The following DNAJC3 variants were observed in gnomAD, a reference collection of about 807,000 sequenced individuals.
The protein encoded by DNAJC3 is dnaJ homolog subfamily C member 3.
In DNAJC3, 38 loss-of-function variants were observed where a neutral mutation model predicts 68.6. The observed-to-expected ratio is 0.55, with a 90% CI of 0.43 to 0.73. DNAJC3 has a LOEUF of 0.73. Among genes scored for constraint, DNAJC3 ranks in the 30% least tolerant of loss-of-function variants. DNAJC3 has a pLI of 0.00. For missense variants in DNAJC3, 526 were observed against 591.9 expected (o/e 0.89, Z 1.16); for synonymous variants, 203 against 204.0 (o/e 1.00, Z 0.04).
At chr13:95,736,607 G>T (rs1384417015) in intron 4 of DNAJC3, among the ~76,000 whole-genome samples, 1 of 151,798 alleles carries the variant, frequency 6.6e-6, no homozygotes, top group Non-Finnish European at 1.5e-5. Flanking sequence ...GTTCACTCAT[G>T]ATTTGGCTCT....
intron 1 of DNAJC3, among the ~76,000 whole-genome samples, chr13:95,702,248 C>T (rs757039763): frequency 2.0e-5 from 3 of 152,144 alleles, no homozygotes; most frequent in Non-Finnish European, 4.4e-5. Flanking sequence ...TGCCTCTTCC[C>T]AGTCTGTCTT....
At position 95,723,255 on chromosome 13, in the gene DNAJC3, T is replaced by C; in HGVS notation, c.207T>C (p.Asp69=). ...TTTAATTTTCAGATGGTGACCCTGA[T>C]AACTATATTGCTTATTATCGGAGGG... ...QFHAAVDGDP[D]NYIAYYRRAT... is the part of the protein sequence containing the mutation. Residue 69 remains aspartate, a synonymous_variant, in exon 3 of 12, where the codon GAT becomes GAC. Coordinates refer to ENST00000602402, the MANE Select transcript of DNAJC3 (RefSeq NM_006260.5). 1 of 1,599,226 alleles carries C rather than the reference T, an allele frequency of 6.3e-7. No individual in the cohort carries two copies. The highest frequency in any genetic ancestry group is 1.7e-5 in the Admixed American group (1 of 58,970).
At chr13:95,785,143 T>C (rs1883562120) in intron 9 of DNAJC3, among the ~76,000 whole-genome samples, 1 of 152,142 alleles carries the variant, frequency 6.6e-6, no homozygotes, top group African/African-American at 2.4e-5. Flanking sequence ...CTACAAATTT[T>C]TTTTTTCTAG....
At chr13:95,696,407 G>A (rs2139612236) in intron 1 of DNAJC3, among the ~76,000 whole-genome samples, 1 of 152,218 alleles carries the variant, frequency 6.6e-6, no homozygotes, top group East Asian at 1.9e-4. Flanking sequence ...AACTAAGATT[G>A]AAACTAAGAT....
chr13:95,763,766 C>G lies in DNAJC3; in HGVS notation c.954+18C>G. The G allele has an allele frequency of 2.5e-6, 4 of 1,613,722 alleles. No homozygotes were observed. Among genetic ancestry groups the G allele is most frequent in the Non-Finnish European group, 3.4e-6 (4 of 1,179,730 alleles). ...TTTCTAAGGTAACAGTTGACTTGTT[C>G]CCAGAAATGTGAAAACTCAACATGT... On this transcript the variant is annotated intron_variant, in intron 8 of 11. Transcript: ENST00000602402.
chr13:95,689,228 C>CTT (rs1207490417), intron 1 of DNAJC3, among the ~76,000 whole-genome samples: 1 of 125,338 alleles, frequency 8.0e-6, no homozygotes, highest in African/African-American at 2.9e-5. Flanking sequence ...CTGTCCTGGG[C>CTT]TTTTTTTTTT....
intron 4 of DNAJC3, chr13:95,744,712 A>G (rs1882251694): frequency 6.6e-6 from 1 of 152,246 alleles, no homozygotes; most frequent in South Asian, 2.1e-4. Context: ...ATATTAAAAA[A>G]TTGATTAAAT....
At chr13:95,678,603 C>T (rs1879831461) in intron 1 of DNAJC3, among the ~76,000 whole-genome samples, 2 of 152,170 alleles carry the variant, frequency 1.3e-5, no homozygotes, top group Admixed American at 1.3e-4. Context: ...TTTGCATTTT[C>T]AAAAGCTTCA....
At chr13:95,739,113 G>C (rs1882036385) in intron 4 of DNAJC3, among the ~76,000 whole-genome samples, 1 of 152,056 alleles carries the variant, frequency 6.6e-6, no homozygotes, top group African/African-American at 2.4e-5. Context: ...GCAATTCTGG[G>C]TTGAAAATTC....
At chr13:95,728,896 C>T (rs1881613061) in intron 4 of DNAJC3, among the ~76,000 whole-genome samples, 1 of 152,098 alleles carries the variant, frequency 6.6e-6, no homozygotes, top group African/African-American at 2.4e-5. Context: ...ACCTCTTATT[C>T]TTCTTTGCTG....
At chr13:95,704,769 G>A (rs1442968593) in intron 1 of DNAJC3, among the ~76,000 whole-genome samples, 5 of 151,838 alleles carry the variant, frequency 3.3e-5, no homozygotes, top group Admixed American at 3.3e-4. Flanking sequence ...TTGGTCTCCA[G>A]CATTGGCAGA....
rs376899129 is a variant in DNAJC3 at position 95,707,483 on chromosome 13, A to G, written c.83-1744A>G. Among the ~76,000 whole-genome samples, 43 of 152,264 alleles carry G rather than the reference A, an allele frequency of 2.8e-4. 1 individual carries two copies. Among genetic ancestry groups the G allele is most frequent in the African/African-American group, 8.4e-4 (35 of 41,558 alleles). On this transcript the variant is annotated intron_variant, in intron 1 of 11. Transcript: ENST00000602402. Reference sequence around the variant, plus strand: ...GATAGCTTAGTTAATTGTGACTCCAATACCTACTGTGGATTACTAGCATTT... The same window carrying G: ...GATAGCTTAGTTAATTGTGACTCCAGTACCTACTGTGGATTACTAGCATTT...
At chr13:95,765,327 T>G (rs1882960911) in intron 9 of DNAJC3, among the ~76,000 whole-genome samples, 1 of 151,704 alleles carries the variant, frequency 6.6e-6, no homozygotes, top group Non-Finnish European at 1.5e-5. Flanking sequence ...TTATCAAAGA[T>G]ACTTTTGTCA....
At chr13:95,747,814 G>A (rs747846546) in intron 4 of DNAJC3, among the ~76,000 whole-genome samples, 9 of 152,062 alleles carry the variant, frequency 5.9e-5, no homozygotes, top group Non-Finnish European at 1.3e-4. Context: ...GCTCTAGAGA[G>A]ATTCATTGGT....
At chr13:95,738,975 C>T (rs1455876089) in intron 4 of DNAJC3, among the ~76,000 whole-genome samples, 3 of 151,978 alleles carry the variant, frequency 2.0e-5, no homozygotes, top group African/African-American at 2.4e-5. Flanking sequence ...TTGTTCCTTT[C>T]CATGTTTAGT....
In DNAJC3 at chr13:95,763,407, A is replaced by G. The variant is rs139549413; in HGVS notation, c.849-236A>G. Among the ~76,000 whole-genome samples, 14 of 152,340 alleles carry G rather than the reference A, an allele frequency of 9.2e-5. No individual in the cohort carries two copies. In the East Asian group the frequency reaches 2.7e-3, roughly 29 times the overall value. On this transcript the variant is annotated intron_variant, in intron 7 of 11. Coordinates refer to ENST00000602402, the MANE Select transcript of DNAJC3 (RefSeq NM_006260.5). ...TTGATTGGTACTTATACTCACAGGTATGCTTTGTTCTGTCCATCTGCATCT... is the reference window on the plus strand; with the variant it reads ...TTGATTGGTACTTATACTCACAGGTGTGCTTTGTTCTGTCCATCTGCATCT...
intron 4 of DNAJC3, among the ~76,000 whole-genome samples, chr13:95,740,510 G>T (rs530144124): frequency 1.3e-5 from 2 of 151,324 alleles, no homozygotes; most frequent in African/African-American, 4.9e-5. Flanking sequence ...ATATAATCTC[G>T]TGGTGCGCCG....
At chr13:95,770,067 T>C (rs1288869045) in intron 9 of DNAJC3, among the ~76,000 whole-genome samples, 3 of 152,174 alleles carry the variant, frequency 2.0e-5, no homozygotes, top group African/African-American at 4.8e-5. Flanking sequence ...GGACAGACGC[T>C]TAGAAAGCTG....
chr13:95,740,627 C>T (rs1420767625), intron 4 of DNAJC3, among the ~76,000 whole-genome samples: 1 of 152,228 alleles, frequency 6.6e-6, no homozygotes, highest in Admixed American at 6.5e-5. Context: ...CTCCCTGACC[C>T]CTTGCACTTC....
Sources: gnomAD v4.1 joint callset for allele counts (sites outside exome capture counted in the v4.1 genomes callset) on GRCh38, gnomAD v4.1.1 for gene constraint, MANE v1.5 for transcripts, NCBI Gene and HGNC (gene_info 2026-07-23, HGNC 2026-07-21) for gene names.